The following MYL4 variants were observed in gnomAD, a reference collection of about 807,000 sequenced individuals.
MYL4 encodes the protein myosin light chain 4.
Under a neutral mutation model 21.6 loss-of-function variants are expected in MYL4, and 16 were observed. The observed-to-expected ratio is 0.74, with a 90% CI of 0.50 to 1.12. MYL4 has a LOEUF of 1.12. MYL4 is among the 50% of genes most tolerant of loss of function. MYL4 has a pLI of 0.00. For synonymous variants in MYL4, 82 were observed against 95.7 expected, an observed-to-expected ratio of 0.86 and a Z score of 0.83; for missense variants, 249 against 252.9, an observed-to-expected ratio of 0.98 and a Z score of 0.11.
At chr17:47,195,229 A>ATT in the MYL4 span, among the ~76,000 whole-genome samples, 24 of 116,898 alleles carry the variant, frequency 2.1e-4, no homozygotes, top group African/African-American at 5.9e-4. Context: ...CAGTGGGCTA[A>ATT]TTTTTTTTTT....
intron 3 of MYL4, 76 bp from the exon 4 acceptor site, chr17:47,221,606 G>T (rs1357887957): frequency 2.4e-5 from 36 of 1,517,308 alleles, no homozygotes; most frequent in Non-Finnish European, 3.0e-5. Context: ...CTTGGGGTGA[G>T]GCCCCCTCTT....
upstream of MYL4, among the ~76,000 whole-genome samples, chr17:47,204,950 G>A (rs1010220209): frequency 7.2e-5 from 11 of 152,162 alleles, no homozygotes; most frequent in Admixed American, 5.2e-4. Context: ...ACAGGAACAA[G>A]GCATTAACAG....
intron 3 of MYL4, among the ~76,000 whole-genome samples, chr17:47,220,791 G>A (rs2064849880): frequency 6.6e-6 from 1 of 152,196 alleles, no homozygotes; most frequent in East Asian, 1.9e-4. Context: ...CAAGTTAACA[G>A]CTGCTCTAAA....
the MYL4 span, among the ~76,000 whole-genome samples, chr17:47,191,475 A>T: frequency 6.7e-6 from 1 of 150,036 alleles, no homozygotes; most frequent in African/African-American, 2.4e-5. Context: ...TTGTATTTAC[A>T]TTTTTTTTTT....
rs557505985 is a variant in MYL4, at chr17:47,221,749, G to A, written c.381G>A (p.Lys127=). 14 of 1,614,150 alleles carry A rather than the reference G, an allele frequency of 8.7e-6. No homozygotes were observed. In the Admixed American group the frequency reaches 1.7e-4, roughly 19 times the overall value. The part of the protein sequence containing the change: ...LPILQHISRN[K]EQGTYEDFVE... ...TCCTGCAGCACATTTCCCGCAACAA[G>A]GAGCAGGGCACCTATGAGGACTTCG... The change falls in exon 4 of 7, where the codon AAG becomes AAA. Residue 127 remains lysine (K), a synonymous_variant. Coordinates refer to ENST00000393450, the MANE Select transcript of MYL4 (RefSeq NM_002476.2).
At chr17:47,199,725 T>C (rs150877799), upstream of MYL4, among the ~76,000 whole-genome samples, 289 of 149,902 alleles carry the variant, frequency 1.9e-3, no homozygotes, top group Non-Finnish European at 2.9e-3. Context: ...TACATGTTAG[T>C]TGTAGTAAAG....
intron 4 of MYL4, among the ~76,000 whole-genome samples, chr17:47,222,156 T>C (rs1730188812): frequency 6.6e-6 from 1 of 152,032 alleles, no homozygotes; most frequent in Non-Finnish European, 1.5e-5. Flanking sequence ...CCTGAAACAC[T>C]GAGGCTCTGG....
chr17:47,219,224 G>C (rs1337399347), intron 2 of MYL4, among the ~76,000 whole-genome samples: 1 of 152,230 alleles, frequency 6.6e-6, no homozygotes, highest in Non-Finnish European at 1.5e-5. Context: ...CTTTCCAGCG[G>C]TCTTATCACT....
At chr17:47,209,690 C>G in intron 1 of MYL4, 133 bp downstream of exon 1, 1 of 1,357,670 alleles carries the variant, frequency 7.4e-7, no homozygotes, top group Non-Finnish European at 1.0e-6. Flanking sequence ...AGATCGCAGT[C>G]CCATGGGGCA....
Position 47,220,043 on chromosome 17 carries a change from C to G in MYL4, c.303C>G (p.Pro101=), listed in dbSNP as rs1292868318. ...AGGTGCTGCGTGTGCTGGGCAAGCC[C>G]AAGCCTGAAGGTCAGTGCGGCTGCA... ...NAEVLRVLGK[P]KPEEMNVKML... is the part of the protein sequence containing the mutation. The change falls in exon 3 of 7, where the codon CCC becomes CCG. Residue 101 remains proline (P), a synonymous_variant. Coordinates refer to ENST00000393450, the MANE Select transcript of MYL4 (RefSeq NM_002476.2). 6.2e-7 allele frequency: 1 copy of G among 1,613,072 alleles called. No homozygotes were observed. Among genetic ancestry groups the G allele is most frequent in the Non-Finnish European group, 8.5e-7 (1 of 1,179,514 alleles).
At chr17:47,210,677 C>T (rs1253306255) in intron 1 of MYL4, among the ~76,000 whole-genome samples, 1 of 152,128 alleles carries the variant, frequency 6.6e-6, no homozygotes, top group East Asian at 1.9e-4. Flanking sequence ...CTCATACCCA[C>T]AGCCGGGATA....
At chr17:47,206,357 A>G (rs569978130), upstream of MYL4, among the ~76,000 whole-genome samples, 67 of 152,302 alleles carry the variant, frequency 4.4e-4, no homozygotes, top group Admixed American at 3.5e-3. Context: ...AAAAGAAGAA[A>G]AGGAAAGAAC....
chr17:47,224,637 C>T (rs548952388), downstream of MYL4, among the ~76,000 whole-genome samples: 9 of 152,224 alleles, frequency 5.9e-5, no homozygotes, highest in East Asian at 1.9e-4. Flanking sequence ...CTTTTGTGAC[C>T]GGCTTATTTC....
Position 47,209,707 on chromosome 17 carries a change from T to G in MYL4, c.135+150T>G, listed in dbSNP as rs774544331. 137 of 1,174,002 alleles carry G rather than the reference T, an allele frequency of 1.2e-4. 1 individual carries two copies. The South Asian group carries it at 1.7e-3, about 14-fold the overall frequency. The allele number at this position is 1,174,002 out of a possible 1,614,324, so 72.7% of individuals were successfully genotyped here. ...ATCGCAGTCCCATGGGGCAGTGGAG[T>G]GGGTGTTGGGGCTGATGAGGGGGAG... On this transcript the variant is annotated intron_variant, in intron 1 of 6. Coordinates refer to ENST00000393450, the MANE Select transcript of MYL4 (RefSeq NM_002476.2).
At chr17:47,217,990 G>A (rs1253522368) in intron 2 of MYL4, among the ~76,000 whole-genome samples, 5 of 142,282 alleles carry the variant, frequency 3.5e-5, no homozygotes, top group Admixed American at 2.2e-4. Flanking sequence ...GCAGTGAGCC[G>A]AAATCGCGAC....
At position 47,209,398 on chromosome 17, in the gene MYL4, C is replaced by G. The variant is rs1172293152; in HGVS notation, c.-25C>G. On this transcript the variant is annotated 5_prime_UTR_variant, in exon 1 of 7. Transcript: ENST00000393450. ...CTCGGTTTCTTCTTAGATCACTCCT[C>G]TGCCAAAGATCCCAACAAGACAACA... 1.9e-6 allele frequency: 3 copies of G among 1,614,044 alleles called. No homozygotes were observed. Among genetic ancestry groups the G allele is most frequent in the Non-Finnish European group, 1.7e-6 (2 of 1,180,050 alleles).
At chr17:47,205,840 C>G (rs1415153216), upstream of MYL4, among the ~76,000 whole-genome samples, 2 of 152,138 alleles carry the variant, frequency 1.3e-5, no homozygotes, top group Admixed American at 6.6e-5. Context: ...CCCTTCCCCC[C>G]GCTTCCATTC....
chr17:47,224,161 T>C (rs1227028465), downstream of MYL4, among the ~76,000 whole-genome samples: 1 of 152,232 alleles, frequency 6.6e-6, no homozygotes. Context: ...CTTTTCATGC[T>C]ACTGATAAAG....
At chr17:47,225,160 T>C (rs142295664), downstream of MYL4, among the ~76,000 whole-genome samples, 3,351 of 152,288 alleles carry the variant, frequency 0.022, 51 homozygotes, top group Middle Eastern at 0.085. Flanking sequence ...CAGCCAAGGC[T>C]GCCTGCCTGT....
Sources: allele counts gnomAD v4.1 joint callset (sites outside exome capture counted in the v4.1 genomes callset), GRCh38; gene constraint gnomAD v4.1.1; transcripts MANE v1.5; gene names NCBI Gene and HGNC (gene_info 2026-07-23, HGNC 2026-07-21).